The following SHISA9 variants were observed in gnomAD, a reference collection of about 807,000 sequenced individuals.
The protein encoded by SHISA9 is protein shisa-9.
A neutral mutation model predicts 38.0 loss-of-function variants in SHISA9; 13 were observed. The observed-to-expected ratio is 0.34, with a 90% confidence interval of 0.22 to 0.54. SHISA9 has a LOEUF of 0.54. SHISA9 is among the 20% of genes least tolerant of loss of function. The pLI is 0.91. For missense variants in SHISA9, 538 were observed against 575.8 expected (o/e 0.93, Z 0.67); for synonymous variants, 275 against 242.0 (o/e 1.14, Z -1.27).
chr16:13,370,735 T>C, the SHISA9 span, among the ~76,000 whole-genome samples: 3 of 152,150 alleles, frequency 2.0e-5, no homozygotes, highest in Non-Finnish European at 4.4e-5. Context: ...GCTGAAAAGC[T>C]CTAAACTACC....
At chr16:13,514,017 C>T in the SHISA9 span, among the ~76,000 whole-genome samples, 1 of 151,718 alleles carries the variant, frequency 6.6e-6, no homozygotes, top group Non-Finnish European at 1.5e-5. Flanking sequence ...TTTTTTTTAA[C>T]AAAGTCATGC....
At chr16:13,477,431 T>G in the SHISA9 span, among the ~76,000 whole-genome samples, 8 of 151,942 alleles carry the variant, frequency 5.3e-5, no homozygotes, top group African/African-American at 1.9e-4. Flanking sequence ...GAGCAATCCA[T>G]ATAAAATCAC....
At chr16:13,288,066 T>A in the SHISA9 span, among the ~76,000 whole-genome samples, 21 of 152,228 alleles carry the variant, frequency 1.4e-4, no homozygotes, top group Non-Finnish European at 2.4e-4. Context: ...CTTATGTACC[T>A]CATGTGGGAA....
intron 2 of SHISA9, among the ~76,000 whole-genome samples, chr16:12,983,678 C>T (rs774906954): frequency 6.6e-6 from 1 of 152,130 alleles, no homozygotes; most frequent in Non-Finnish European, 1.5e-5. Flanking sequence ...CTAGTAGTGA[C>T]AGGGTTTCAC....
chr16:13,447,449 A>G, the SHISA9 span, among the ~76,000 whole-genome samples: 1 of 152,228 alleles, frequency 6.6e-6, no homozygotes, highest in Non-Finnish European at 1.5e-5. Flanking sequence ...CTCTGGCTGC[A>G]CAGTGTGGCT....
At chr16:13,480,719 C>T in the SHISA9 span, among the ~76,000 whole-genome samples, 2 of 151,950 alleles carry the variant, frequency 1.3e-5, no homozygotes, top group Non-Finnish European at 2.9e-5. Context: ...CATAGGCAGC[C>T]AGAGATAAGG....
At chr16:12,916,861 G>C in intron 2 of SHISA9, 46 bp downstream of exon 2, 2 of 1,536,540 alleles carry the variant, frequency 1.3e-6, no homozygotes, top group Admixed American at 2.0e-5. Flanking sequence ...GGGGTGACCT[G>C]AGCAGTGGTC....
intron 2 of SHISA9, among the ~76,000 whole-genome samples, chr16:13,092,769 G>A (rs564586014): frequency 5.9e-5 from 9 of 152,132 alleles, no homozygotes; most frequent in Non-Finnish European, 1.2e-4. Context: ...CCAACCCCTT[G>A]TGCTTCTTGG....
chr16:13,230,830 C>T (rs992622945), intron 4 of SHISA9, among the ~76,000 whole-genome samples: 14 of 152,086 alleles, frequency 9.2e-5, no homozygotes, highest in African/African-American at 3.4e-4. Context: ...TTATTTATGC[C>T]TCGCCTTTTT....
chr16:13,040,700 T>C (rs1025797549), intron 2 of SHISA9, among the ~76,000 whole-genome samples: 1 of 152,210 alleles, frequency 6.6e-6, no homozygotes, highest in Admixed American at 6.5e-5. Context: ...AATTTTGAAA[T>C]TGAAAAATAT....
chr16:13,189,006 A>T (rs2050857047), intron 2 of SHISA9, among the ~76,000 whole-genome samples: 1 of 152,162 alleles, frequency 6.6e-6, no homozygotes, highest in South Asian at 2.1e-4. Flanking sequence ...AGAAGCAGAG[A>T]TCCCCAAGCC....
At chr16:13,198,412 GCATA>G (rs959926411) in intron 2 of SHISA9, among the ~76,000 whole-genome samples, 11 of 151,790 alleles carry the variant, frequency 7.2e-5, no homozygotes, top group Non-Finnish European at 1.3e-4. Flanking sequence ...ATGTACATAT[GCATA>G]CATACATATA....
intron 3 of SHISA9, among the ~76,000 whole-genome samples, chr16:13,208,034 G>A (rs2051082667): frequency 1.3e-5 from 2 of 152,250 alleles, no homozygotes; most frequent in South Asian, 4.1e-4. Flanking sequence ...TTAACATCCA[G>A]AGCTCTGGGA....
At chr16:13,313,683 G>A in the SHISA9 span, among the ~76,000 whole-genome samples, 1 of 152,144 alleles carries the variant, frequency 6.6e-6, no homozygotes, top group South Asian at 2.1e-4. Context: ...TAATTGAAGT[G>A]GAAAGGCTTG....
At position 12,933,264 on chromosome 16, in the gene SHISA9, T is replaced by A. The variant is rs556254281; in HGVS notation, c.691+16449T>A. On this transcript the variant is annotated intron_variant, in intron 2 of 4. Transcript: ENST00000558583. ...ATATCAGAACTGCATTCCTTTAGTTTTCTATAGGAATGCCAATTCAGAGTT... is the reference window on the plus strand; with the variant it reads ...ATATCAGAACTGCATTCCTTTAGTTATCTATAGGAATGCCAATTCAGAGTT... Among the ~76,000 whole-genome samples the A allele has an allele frequency of 4.6e-5, 7 of 152,316 alleles. No homozygotes were observed. In the South Asian group the frequency reaches 1.5e-3, roughly 32 times the overall value.
At chr16:12,983,520 G>T (rs372271164) in intron 2 of SHISA9, among the ~76,000 whole-genome samples, 4 of 152,136 alleles carry the variant, frequency 2.6e-5, no homozygotes, top group Non-Finnish European at 5.9e-5. Flanking sequence ...ACGGAGTCTT[G>T]CCCTGTCACC....
chr16:13,353,167 G>T, the SHISA9 span, among the ~76,000 whole-genome samples: 16 of 152,262 alleles, frequency 1.1e-4, no homozygotes, highest in South Asian at 8.3e-4. Flanking sequence ...ACCTAGAGTG[G>T]GAGAGATTAA....
At chr16:13,291,702 AT>A in the SHISA9 span, among the ~76,000 whole-genome samples, 4 of 152,348 alleles carry the variant, frequency 2.6e-5, no homozygotes, top group East Asian at 7.7e-4. Context: ...ACACCAGAGA[AT>A]ATGTAACATC....
At chr16:12,925,222 G>A (rs936601822) in intron 2 of SHISA9, among the ~76,000 whole-genome samples, 1 of 151,996 alleles carries the variant, frequency 6.6e-6, no homozygotes, top group Non-Finnish European at 1.5e-5. Flanking sequence ...TGAAGAAACC[G>A]TCAATTCCTT....
Sources: gnomAD v4.1 joint callset for allele counts (sites outside exome capture counted in the v4.1 genomes callset) on GRCh38, gnomAD v4.1.1 for gene constraint, MANE v1.5 for transcripts, NCBI Gene and HGNC (gene_info 2026-07-23, HGNC 2026-07-21) for gene names.